The following KANK1 variants were observed in gnomAD, a reference collection of about 807,000 sequenced individuals.
KANK1 encodes the protein KN motif and ankyrin repeat domain-containing protein 1.
A neutral mutation model predicts 106.2 loss-of-function variants in KANK1; 109 were observed. The observed-to-expected ratio is 1.03, with a 90% CI of 0.88 to 1.20. The LOEUF (loss-of-function observed/expected upper bound fraction) is 1.20. Among genes scored for constraint, KANK1 ranks in the 50% most tolerant of loss-of-function variants. KANK1 has a pLI of 0.00. For synonymous variants in KANK1, 873 were observed against 652.2 expected, an observed-to-expected ratio of 1.34 and a Z score of -5.16; for missense variants, 2,399 against 1,710.7, an observed-to-expected ratio of 1.40 and a Z score of -7.10.
intron 1 of KANK1, among the ~76,000 whole-genome samples, chr9:509,414 C>A (rs751091032): frequency 2.0e-5 from 3 of 152,212 alleles, no homozygotes; most frequent in Non-Finnish European, 4.4e-5. Context: ...TTTACCCCAT[C>A]CTAGCAGACT....
rs1042456654 is a variant in KANK1 at position 667,703 on chromosome 9, T to A, written c.-83-9187T>A. 2.0e-5 allele frequency among the ~76,000 whole-genome samples: 3 copies of A among 151,640 alleles called. No individual in the cohort carries two copies. In the Admixed American group the frequency reaches 2.0e-4, roughly 10 times the overall value. ...ATTGTTTATTCAGGAGCATGTTGTT[T>A]AATTTCCATGTTTTTGTTTAATTTC... On this transcript the variant is annotated intron_variant, in intron 1 of 11. Coordinates refer to ENST00000382297, the MANE Select transcript of KANK1 (RefSeq NM_015158.5).
intron 3 of KANK1, among the ~76,000 whole-genome samples, chr9:488,772 GTGT>G (rs926567937): frequency 1.1e-4 from 16 of 152,272 alleles, no homozygotes; most frequent in African/African-American, 3.6e-4. Context: ...ATCTCAAGCA[GTGT>G]TGTTTATTAT....
intron 1 of KANK1, among the ~76,000 whole-genome samples, chr9:514,600 T>C (rs1242571375): frequency 6.6e-6 from 1 of 151,548 alleles, no homozygotes; most frequent in Non-Finnish European, 1.5e-5. Flanking sequence ...CCATGTTATA[T>C]TTGTGAGATT....
At chr9:639,979 T>G (rs971679938) in intron 1 of KANK1, among the ~76,000 whole-genome samples, 1 of 152,192 alleles carries the variant, frequency 6.6e-6, no homozygotes, top group Non-Finnish European at 1.5e-5. Context: ...GGACCCATCC[T>G]TAATGCCATC....
At chr9:476,101 G>A (rs1015091046) in intron 3 of KANK1, among the ~76,000 whole-genome samples, 1 of 149,936 alleles carries the variant, frequency 6.7e-6, no homozygotes, top group Non-Finnish European at 1.5e-5. Context: ...TGATCCACCT[G>A]CTTCAGCACT....
rs113215278 is a variant in KANK1, at chr9:664,557, C to T, written c.-83-12333C>T. On this transcript the variant is annotated intron_variant, in intron 1 of 11. Coordinates refer to ENST00000382297, the MANE Select transcript of KANK1 (RefSeq NM_015158.5). ...AGCGATCCACCTGCCTTGGCCTCCA[C>T]ATTTTCTTTATTCATCCATTGATGG... Among the ~76,000 whole-genome samples the T allele has an allele frequency of 1.1e-3, 170 of 152,194 alleles. 1 individual carries two copies. Among genetic ancestry groups the T allele is most frequent in the African/African-American group, 3.9e-3 (162 of 41,498 alleles).
intron 1 of KANK1, among the ~76,000 whole-genome samples, chr9:575,092 A>G (rs1418289839): frequency 6.6e-6 from 1 of 152,202 alleles, no homozygotes; most frequent in Admixed American, 6.5e-5. Flanking sequence ...TTGCTTGGCA[A>G]ATGAGGAGTC....
At chr9:569,552 T>C (rs1283636818) in intron 1 of KANK1, among the ~76,000 whole-genome samples, 1 of 152,182 alleles carries the variant, frequency 6.6e-6, no homozygotes, top group East Asian at 1.9e-4. Flanking sequence ...GATGCAGCCC[T>C]AGACTTTGGA....
At chr9:596,949 CTA>C (rs36036482) in intron 1 of KANK1, among the ~76,000 whole-genome samples, 49,408 of 151,550 alleles carry the variant, frequency 0.33, 10,467 homozygotes, top group South Asian at 0.55. Flanking sequence ...CTTTCAGTCT[CTA>C]TGAATTTACA....
intron 1 of KANK1, among the ~76,000 whole-genome samples, chr9:588,991 G>C (rs1012400142): frequency 4.6e-5 from 7 of 152,130 alleles, no homozygotes; most frequent in African/African-American, 1.7e-4. Flanking sequence ...AATCACAGTA[G>C]AAACTAAAGT....
intron 1 of KANK1, among the ~76,000 whole-genome samples, chr9:580,186 G>A (rs982361763): frequency 5.9e-5 from 9 of 152,096 alleles, no homozygotes; most frequent in African/African-American, 9.6e-5. Context: ...CTCTTAAGGC[G>A]GCGCGTCTGG....
At chr9:591,861 G>T (rs1361826256) in intron 1 of KANK1, among the ~76,000 whole-genome samples, 5 of 151,646 alleles carry the variant, frequency 3.3e-5, no homozygotes, top group Admixed American at 2.6e-4. Context: ...GTTTCACCGT[G>T]TTAGCCAGGC....
At chr9:504,040 G>A (rs1218593988), upstream of KANK1, among the ~76,000 whole-genome samples, 3 of 152,160 alleles carry the variant, frequency 2.0e-5, no homozygotes, top group Non-Finnish European at 4.4e-5. Flanking sequence ...GTTTCTGGCC[G>A]CCGGGGCGAC....
At chr9:704,759 T>C (rs1361362948) in intron 2 of KANK1, among the ~76,000 whole-genome samples, 1 of 152,000 alleles carries the variant, frequency 6.6e-6, no homozygotes, top group Non-Finnish European at 1.5e-5. Flanking sequence ...GGTGGGAGGA[T>C]TGCTTGAGGC....
chr9:633,590 C>G (rs187327462), intron 1 of KANK1, among the ~76,000 whole-genome samples: 54 of 152,332 alleles, frequency 3.5e-4, no homozygotes, highest in African/African-American at 1.3e-3. Context: ...ATTCCTGAAC[C>G]TGGCATATGA....
At chr9:505,907 A>C (rs975281919) in intron 1 of KANK1, among the ~76,000 whole-genome samples, 1 of 152,198 alleles carries the variant, frequency 6.6e-6, no homozygotes, top group Non-Finnish European at 1.5e-5. Flanking sequence ...GAGTTTATTC[A>C]AGTTCATTTT....
chr9:558,101 A>G (rs1815345172), intron 1 of KANK1, among the ~76,000 whole-genome samples: 2 of 152,212 alleles, frequency 1.3e-5, no homozygotes, highest in African/African-American at 4.8e-5. Context: ...GGAGGTGGAA[A>G]AAACCAGTGT....
chr9:477,661 G>C (rs1197083898), intron 3 of KANK1: 1 of 152,206 alleles, frequency 6.6e-6, no homozygotes, highest in Non-Finnish European at 1.5e-5. Flanking sequence ...TTGAAAGAAA[G>C]GAATCCCAAA....
At chr9:642,575 G>A (rs1305723186) in intron 1 of KANK1, among the ~76,000 whole-genome samples, 1 of 150,890 alleles carries the variant, frequency 6.6e-6, no homozygotes. Context: ...TCAGCTACTA[G>A]AACAGAGAGA....
Sources: gnomAD v4.1 joint callset for allele counts (sites outside exome capture counted in the v4.1 genomes callset) on GRCh38, gnomAD v4.1.1 for gene constraint, MANE v1.5 for transcripts, NCBI Gene and HGNC (gene_info 2026-07-23, HGNC 2026-07-21) for gene names.